The following SFXN1 variants were observed in gnomAD, a reference collection of about 807,000 sequenced individuals.
SFXN1 encodes sideroflexin 1, also known as sideroflexin-1.
Under a neutral mutation model 39.5 loss-of-function variants are expected in SFXN1, and 32 were observed. The observed-to-expected ratio is 0.81, with a 90% CI of 0.61 to 1.09. The LOEUF (loss-of-function observed/expected upper bound fraction) is 1.09, where lower values mean the gene tolerates loss of function less well. SFXN1 is among the 50% of genes least tolerant of loss of function. SFXN1 has a pLI of 0.00. For missense variants in SFXN1, 402 were observed against 407.1 expected (o/e 0.99, Z 0.11); for synonymous variants, 136 against 146.5 (o/e 0.93, Z 0.52).
At chr5:175,502,343 G>T (rs1412076786) in intron 2 of SFXN1, among the ~76,000 whole-genome samples, 2 of 152,112 alleles carry the variant, frequency 1.3e-5, no homozygotes, top group South Asian at 2.1e-4. Context: ...GTCTTGGGGG[G>T]TGTTATCAAT....
At chr5:175,514,444 A>G (rs1760648173) in intron 7 of SFXN1, among the ~76,000 whole-genome samples, 1 of 152,180 alleles carries the variant, frequency 6.6e-6, no homozygotes, top group African/African-American at 2.4e-5. Context: ...GGCCTAAAGA[A>G]AGTTCTCAGA....
At position 175,480,187 on chromosome 5, in the gene SFXN1, G is replaced by T. The variant is rs898552053; in HGVS notation, c.-10+1548G>T. 2.0e-5 allele frequency among the ~76,000 whole-genome samples: 3 copies of T among 152,192 alleles called. No homozygotes were observed. The East Asian group carries it at 5.8e-4, about 29-fold the overall frequency. The stretch of plus-strand genomic sequence containing the variant: ...GTGGCCGAGGCGGGCGGATCACGAG[G>T]TCAGGAGATCAAGACCATCCTGGCT... On this transcript the variant is annotated intron_variant, in intron 1 of 10. Coordinates refer to ENST00000321442, the MANE Select transcript of SFXN1 (RefSeq NM_022754.7).
At chr5:175,516,901 T>C (rs1289414140) in intron 8 of SFXN1, among the ~76,000 whole-genome samples, 1 of 152,202 alleles carries the variant, frequency 6.6e-6, no homozygotes, top group Non-Finnish European at 1.5e-5. Flanking sequence ...ACACACACAG[T>C]CATCTATTGG....
At chr5:175,519,546 G>C (rs944473722) in intron 8 of SFXN1, among the ~76,000 whole-genome samples, 2 of 152,126 alleles carry the variant, frequency 1.3e-5, no homozygotes, top group African/African-American at 4.8e-5. Context: ...GCGTCTCAAA[G>C]TAATTACACA....
At position 175,526,714 on chromosome 5, in the gene SFXN1, T is replaced by A; in HGVS notation, c.949T>A (p.Tyr317Asn). The change falls in exon 11 of 11, where the codon TAC (tyrosine) becomes AAC (asparagine). Residue 317 changes from tyrosine to asparagine, a missense_variant. Coordinates refer to ENST00000321442, the MANE Select transcript of SFXN1 (RefSeq NM_022754.7). ...GAGCCATCCTGAATTGCGACGCGTG[T>A]ACTTCAATAAGGGATTGTAAAGCAG... The part of the protein sequence containing the change: ...QESHPELRRV[Y>N]FNKGL 1 of 1,614,142 alleles carries A rather than the reference T, an allele frequency of 6.2e-7. No individual in the cohort carries two copies. Among genetic ancestry groups the A allele is most frequent in the Non-Finnish European group, 8.5e-7 (1 of 1,179,960 alleles).
chr5:175,516,039 G>A (rs909828428), intron 7 of SFXN1, among the ~76,000 whole-genome samples: 3 of 148,930 alleles, frequency 2.0e-5, no homozygotes, highest in Non-Finnish European at 2.9e-5. Flanking sequence ...AATGTAATGC[G>A]GTCGCTGACC....
chr5:175,516,555 A>G (rs1321143690), intron 7 of SFXN1, 59 bp from the exon 8 acceptor site: 5 of 1,504,852 alleles, frequency 3.3e-6, no homozygotes, highest in Non-Finnish European at 4.5e-6. Context: ...GTTGAAAAAA[A>G]AAGTAAGCTG....
At chr5:175,503,322 A>C (rs535886769) in intron 2 of SFXN1, among the ~76,000 whole-genome samples, 1 of 152,354 alleles carries the variant, frequency 6.6e-6, no homozygotes, top group South Asian at 2.1e-4. Flanking sequence ...GATACAATAA[A>C]TGATTTAAAA....
intron 10 of SFXN1, 99 bp from the exon 11 acceptor site, chr5:175,526,539 T>C: frequency 2.3e-6 from 2 of 885,992 alleles, no homozygotes. Context: ...ACTGTACCAG[T>C]CCTGGGATCT....
chr5:175,479,605 A>G (rs1302180294), intron 1 of SFXN1, among the ~76,000 whole-genome samples: 1 of 151,994 alleles, frequency 6.6e-6, no homozygotes. Flanking sequence ...TCTTCTCCTC[A>G]TGTGAACAGG....
intron 7 of SFXN1, among the ~76,000 whole-genome samples, chr5:175,515,786 G>C (rs1164370542): frequency 1.3e-5 from 2 of 152,116 alleles, no homozygotes. Context: ...ATTCAAGCAC[G>C]TTAAATGTAT....
chr5:175,522,649 C>CT (rs35822721), intron 10 of SFXN1: 91,122 of 462,350 alleles, frequency 0.2, 12,375 homozygotes, highest in African/African-American at 0.49. Context: ...TTTGAAAATG[C>CT]TTTATTCTTT....
intron 6 of SFXN1, 71 bp from the exon 7 acceptor site, chr5:175,513,392 C>T: frequency 6.6e-7 from 1 of 1,523,044 alleles, no homozygotes; most frequent in South Asian, 1.2e-5. Context: ...TGATCTTTCC[C>T]AACATAGTAC....
intron 1 of SFXN1, among the ~76,000 whole-genome samples, chr5:175,480,281 G>A (rs1282740985): frequency 7.2e-5 from 11 of 152,108 alleles, no homozygotes; most frequent in Non-Finnish European, 1.0e-4. Context: ...GGCGCCTGTA[G>A]TCCCAGCTAC....
chr5:175,512,172 T>C lies in SFXN1; in HGVS notation c.572T>C (p.Ile191Thr), dbSNP rs894942282. ...PFAAVAAANC[I>T]NIPLMRQREL... Reference sequence around the variant, plus strand: ...GCTGCCGTAGCTGCTGCTAATTGCATTAATATTCCATTAATGAGGCAAAGG... The same window carrying C: ...GCTGCCGTAGCTGCTGCTAATTGCACTAATATTCCATTAATGAGGCAAAGG... The change falls in exon 6 of 11, where the codon ATT becomes ACT. Residue 191 changes from isoleucine (I) to threonine (T), a missense_variant. Coordinates refer to ENST00000321442, the MANE Select transcript of SFXN1 (RefSeq NM_022754.7). 4 of 1,614,088 alleles carry C rather than the reference T, an allele frequency of 2.5e-6. No homozygotes were observed. The African/African-American group carries it at 4.0e-5, about 16-fold the overall frequency.
Position 175,522,275 on chromosome 5 carries a change from G to T in SFXN1, c.825-100G>T, listed in dbSNP as rs141124150. The T allele has an allele frequency of 2.0e-3, 2,403 of 1,220,366 alleles. 14 individuals are homozygous for T. The highest frequency in any genetic ancestry group is 0.018 in the Middle Eastern group (65 of 3,582). 75.6% of individuals were successfully genotyped at this position (1,220,366 alleles called of 1,614,324 possible). A position where few individuals can be genotyped will look rare whatever the true frequency, so the allele number is the denominator to read the frequency against. On this transcript the variant is annotated intron_variant, in intron 9 of 10. Coordinates refer to ENST00000321442, the MANE Select transcript of SFXN1 (RefSeq NM_022754.7). ...TTTGTTAGACAACACAGAACGTAAT[G>T]CTCTGAAGAAAGAAGGGATTGTTAT... is the stretch of plus-strand genomic sequence containing the variant.
rs184371890 is a variant in SFXN1, at chr5:175,498,420, C to T, written c.164+6153C>T. On this transcript the variant is annotated intron_variant, in intron 2 of 10. Coordinates refer to ENST00000321442, the MANE Select transcript of SFXN1 (RefSeq NM_022754.7). ...CGGAGGTGGTAACAGAATCCTGCTGCGGTAGGTGGTAGAGCCAGGATTAAA... is the reference window on the plus strand; with the variant it reads ...CGGAGGTGGTAACAGAATCCTGCTGTGGTAGGTGGTAGAGCCAGGATTAAA... Among the ~76,000 whole-genome samples, 592 of 152,222 alleles carry T rather than the reference C, an allele frequency of 3.9e-3. 6 individuals are homozygous for T. The highest frequency in any genetic ancestry group is 0.013 in the African/African-American group (546 of 41,538).
At chr5:175,488,921 A>G (rs1304362497) in intron 1 of SFXN1, among the ~76,000 whole-genome samples, 1 of 152,138 alleles carries the variant, frequency 6.6e-6, no homozygotes, top group Non-Finnish European at 1.5e-5. Context: ...CTGCCTTCTA[A>G]TATAATGAAT....
chr5:175,517,006 C>G (rs906896835), intron 8 of SFXN1, among the ~76,000 whole-genome samples: 1 of 152,160 alleles, frequency 6.6e-6, no homozygotes, highest in Admixed American at 6.5e-5. Flanking sequence ...AAAAATCATT[C>G]GGAGTAGCAG....
Sources: gnomAD v4.1 joint callset for allele counts (sites outside exome capture counted in the v4.1 genomes callset) on GRCh38, gnomAD v4.1.1 for gene constraint, MANE v1.5 for transcripts, NCBI Gene and HGNC (gene_info 2026-07-23, HGNC 2026-07-21) for gene names.